ENPP3: variants seen among roughly 807,000 people sequenced by gnomAD.
The protein encoded by ENPP3 is ectonucleotide pyrophosphatase/phosphodiesterase 3, also known as ectonucleotide pyrophosphatase/phosphodiesterase family member 3.
Under a neutral mutation model 117.8 loss-of-function variants are expected in ENPP3, and 104 were observed. That is an observed-to-expected ratio of 0.88 (90% CI 0.75 to 1.04). The LOEUF (loss-of-function observed/expected upper bound fraction) is 1.04. ENPP3 is among the 50% of genes least tolerant of loss of function. ENPP3 has a pLI of 0.00. For missense variants in ENPP3, 1,026 were observed against 1,051.9 expected (o/e 0.98, Z 0.34); for synonymous variants, 380 against 349.9 (o/e 1.09, Z -0.96).
At chr6:131,644,936 GA>G (rs1359886783) in intron 2 of ENPP3, among the ~76,000 whole-genome samples, 1 of 152,122 alleles carries the variant, frequency 6.6e-6, no homozygotes, top group African/African-American at 2.4e-5. Flanking sequence ...GAGAGTGTAT[GA>G]AAAAACGTAA....
At chr6:131,717,065 A>C (rs1779907237) in intron 15 of ENPP3, among the ~76,000 whole-genome samples, 1 of 152,172 alleles carries the variant, frequency 6.6e-6, no homozygotes, top group African/African-American at 2.4e-5. Context: ...TGACATCCTT[A>C]GGATATCAAA....
rs546062266 is a variant in ENPP3, at chr6:131,722,208, T to G, written c.1568-19T>G. 1.6e-5 allele frequency: 25 copies of G among 1,599,908 alleles called. No homozygotes were observed. In the African/African-American group the frequency reaches 3.0e-4, roughly 19 times the overall value. ...TTTCCAGTGTAAAGCTACTTTGAAC[T>G]AATTTTTTCAAAAAACAGATCTTCT... On this transcript the variant is annotated intron_variant, in intron 17 of 24. Coordinates refer to ENST00000357639, the MANE Select transcript of ENPP3 (RefSeq NM_005021.5).
chr6:131,652,704 G>T (rs1478858397), intron 4 of ENPP3, 37 bp downstream of exon 4: 2 of 1,612,978 alleles, frequency 1.2e-6, no homozygotes, highest in African/African-American at 2.7e-5. Flanking sequence ...GCCCCTGCGA[G>T]TTTAGAGGAA....
intron 2 of ENPP3, chr6:131,642,903 T>G (rs1212536220): frequency 6.6e-6 from 1 of 152,232 alleles, no homozygotes; most frequent in Non-Finnish European, 1.5e-5. Context: ...TGTAAAATTT[T>G]TATGAGCAAT....
intron 6 of ENPP3, among the ~76,000 whole-genome samples, chr6:131,663,801 T>C (rs187812883): frequency 6.6e-6 from 1 of 152,274 alleles, no homozygotes; most frequent in Non-Finnish European, 1.5e-5. Flanking sequence ...ACAAACCTAC[T>C]GCACTGCCAG....
At chr6:131,738,951 A>G (rs562690400) in intron 23 of ENPP3, among the ~76,000 whole-genome samples, 36 of 152,300 alleles carry the variant, frequency 2.4e-4, no homozygotes, top group Admixed American at 1.9e-3. Context: ...ATACTGAATC[A>G]ATATTTCAGT....
At chr6:131,746,313 A>G (rs1780634489) in intron 24 of ENPP3, among the ~76,000 whole-genome samples, 1 of 152,186 alleles carries the variant, frequency 6.6e-6, no homozygotes, top group South Asian at 2.1e-4. Flanking sequence ...AACAAGACCT[A>G]GATATATCAC....
At chr6:131,733,526 A>G (rs1004307460) in intron 20 of ENPP3, 62 bp from the exon 21 acceptor site, 8 of 1,566,088 alleles carry the variant, frequency 5.1e-6, no homozygotes, top group Admixed American at 3.5e-5. Flanking sequence ...GTGACAAACC[A>G]TATAAGGCAA....
chr6:131,668,206 GTTTTTTTTTTTT>G (rs557047103), intron 6 of ENPP3, among the ~76,000 whole-genome samples: 2 of 69,906 alleles, frequency 2.9e-5, no homozygotes, highest in Non-Finnish European at 2.5e-5. Flanking sequence ...CTCGCTCTGC[GTTTTTTTTTTTT>G]TTTTTTTTTT....
At chr6:131,661,355 C>A (rs905033039) in intron 6 of ENPP3, among the ~76,000 whole-genome samples, 3 of 152,088 alleles carry the variant, frequency 2.0e-5, no homozygotes, top group African/African-American at 4.8e-5. Context: ...ACAAGAGTTC[C>A]AATTTCTGCA....
At chr6:131,717,689 A>G (rs3850248) in intron 15 of ENPP3, among the ~76,000 whole-genome samples, 9,160 of 152,230 alleles carry the variant, frequency 0.06, 874 homozygotes, top group African/African-American at 0.21. Context: ...GCTACAGCCT[A>G]TGGAAGAAAA....
chr6:131,676,861 G>GTTTTT, intron 10 of ENPP3, 60 bp downstream of exon 10: 2 of 865,038 alleles, frequency 2.3e-6, no homozygotes, highest in African/African-American at 1.8e-5. Context: ...AAAAAATGAA[G>GTTTTT]TTTTTTTTTT....
At chr6:131,659,877 A>G (rs868055488) in intron 6 of ENPP3, among the ~76,000 whole-genome samples, 51 of 152,376 alleles carry the variant, frequency 3.3e-4, no homozygotes, top group African/African-American at 1.2e-3. Context: ...TTGACTAGCC[A>G]GGGTGAACTG....
chr6:131,709,818 C>T, intron 15 of ENPP3: 1 of 1,609,508 alleles, frequency 6.2e-7, no homozygotes, highest in South Asian at 1.1e-5. Context: ...CTGTTAATTT[C>T]CTGTAGAGTT....
At chr6:131,738,703 C>T (rs1313200508) in intron 23 of ENPP3, among the ~76,000 whole-genome samples, 1 of 152,074 alleles carries the variant, frequency 6.6e-6, no homozygotes, top group Non-Finnish European at 1.5e-5. Context: ...TAACAGGTTG[C>T]TAAGAATTAG....
chr6:131,728,695 C>T (rs895913191), intron 20 of ENPP3, among the ~76,000 whole-genome samples: 1 of 152,216 alleles, frequency 6.6e-6, no homozygotes, highest in Middle Eastern at 3.4e-3. Context: ...GGAACATGGA[C>T]CCAATTGGTC....
At chr6:131,638,473 A>G in intron 1 of ENPP3, 1 of 453,452 alleles carries the variant, frequency 2.2e-6, no homozygotes, top group Non-Finnish European at 4.4e-6. Context: ...TTGGGATCTC[A>G]CCTCACCACA....
At chr6:131,698,314 C>T (rs1431846090) in intron 15 of ENPP3, among the ~76,000 whole-genome samples, 3 of 143,042 alleles carry the variant, frequency 2.1e-5, no homozygotes, top group Non-Finnish European at 4.5e-5. Flanking sequence ...CAGCTCCTTT[C>T]GGGAGGGGAG....
intron 1 of ENPP3, among the ~76,000 whole-genome samples, chr6:131,639,759 T>A (rs977155672): frequency 2.6e-5 from 4 of 152,166 alleles, no homozygotes; most frequent in African/African-American, 9.6e-5. Flanking sequence ...TAGTTTAAGA[T>A]ACATGTGCAC....
Sources: gnomAD v4.1 joint callset for allele counts (sites outside exome capture counted in the v4.1 genomes callset) on GRCh38, gnomAD v4.1.1 for gene constraint, MANE v1.5 for transcripts, NCBI Gene and HGNC (gene_info 2026-07-23, HGNC 2026-07-21) for gene names.